KAZN: variants seen among roughly 807,000 people sequenced by gnomAD.
KAZN encodes the protein kazrin.
A neutral mutation model predicts 87.4 loss-of-function variants in KAZN; 40 were observed. That is an observed-to-expected ratio of 0.46 (90% CI 0.36 to 0.60). The LOEUF is 0.60. Ranked by LOEUF, KAZN falls within the 20% of genes least tolerant of loss-of-function variation. KAZN has a pLI of 0.00. For missense variants in KAZN, 898 were observed against 1,073.9 expected, an observed-to-expected ratio of 0.84 and a Z score of 2.29; for synonymous variants, 466 against 458.3, an observed-to-expected ratio of 1.02 and a Z score of -0.22.
intron 1 of KAZN, among the ~76,000 whole-genome samples, chr1:14,045,877 C>G (rs1158103592): frequency 6.6e-6 from 1 of 152,174 alleles, no homozygotes; most frequent in Admixed American, 6.5e-5. Flanking sequence ...ACCACTACAG[C>G]TACTAAGAGT....
chr1:14,542,230 T>C, intron 2 of KAZN, among the ~76,000 whole-genome samples: 1 of 126,866 alleles, frequency 7.9e-6, no homozygotes, highest in Non-Finnish European at 1.6e-5. Flanking sequence ...CACTCATAGG[T>C]GGGAATTGAA....
chr1:14,179,113 T>G (rs149122172), intron 1 of KAZN, among the ~76,000 whole-genome samples: 2 of 152,102 alleles, frequency 1.3e-5, no homozygotes, highest in Admixed American at 6.5e-5. Flanking sequence ...TCATGTAGAG[T>G]TTTATCCTGC....
chr1:14,544,346 C>CTTTTTTT, intron 2 of KAZN, among the ~76,000 whole-genome samples: 1 of 67,162 alleles, frequency 1.5e-5, no homozygotes, highest in African/African-American at 5.1e-5. Flanking sequence ...TTCTTTCTTT[C>CTTTTTTT]TTTCTTTTTT....
chr1:14,068,447 T>C (rs765403607), intron 1 of KAZN, among the ~76,000 whole-genome samples: 10 of 151,996 alleles, frequency 6.6e-5, no homozygotes, highest in Non-Finnish European at 1.5e-4. Context: ...ATATAGATTC[T>C]CAAACTATGC....
intron 1 of KAZN, among the ~76,000 whole-genome samples, chr1:14,050,165 T>C (rs1483886064): frequency 2.0e-5 from 3 of 151,258 alleles, no homozygotes; most frequent in Non-Finnish European, 3.0e-5. Context: ...TGTGCGCGTG[T>C]GTGGGTGTGT....
intron 11 of KAZN, among the ~76,000 whole-genome samples, chr1:15,102,887 T>TG (rs1462371233): frequency 6.6e-6 from 1 of 151,736 alleles, no homozygotes; most frequent in Non-Finnish European, 1.5e-5. Context: ...GGACAGGGAG[T>TG]GACAAGGACA....
intron 8 of KAZN, among the ~76,000 whole-genome samples, chr1:15,076,305 C>G (rs1639747216): frequency 6.6e-6 from 1 of 152,204 alleles, no homozygotes; most frequent in Admixed American, 6.5e-5. Flanking sequence ...AAGAAACAAA[C>G]TCATCTTAGT....
intron 1 of KAZN, among the ~76,000 whole-genome samples, chr1:13,990,527 G>A (rs1557767488): frequency 6.6e-6 from 1 of 152,134 alleles, no homozygotes; most frequent in Non-Finnish European, 1.5e-5. Context: ...ATGGTGAGTA[G>A]GGGAAAAGAT....
intron 1 of KAZN, among the ~76,000 whole-genome samples, chr1:14,108,502 T>C (rs1369396108): frequency 6.6e-6 from 1 of 152,168 alleles, no homozygotes; most frequent in Non-Finnish European, 1.5e-5. Context: ...GCTCAAAACG[T>C]GGCATCGTGC....
intron 1 of KAZN, among the ~76,000 whole-genome samples, chr1:14,891,437 A>G (rs1654713640): frequency 6.6e-6 from 1 of 152,096 alleles, no homozygotes; most frequent in Non-Finnish European, 1.5e-5. Context: ...GAGTTACTTC[A>G]CTTAGAATAA....
At chr1:13,960,878 G>C (rs991966370) in intron 1 of KAZN, among the ~76,000 whole-genome samples, 3 of 152,174 alleles carry the variant, frequency 2.0e-5, no homozygotes, top group African/African-American at 7.2e-5. Flanking sequence ...TCAGGACAGG[G>C]GGCTGTGTGG....
At chr1:14,383,882 T>C (rs890561427) in intron 2 of KAZN, among the ~76,000 whole-genome samples, 5 of 152,056 alleles carry the variant, frequency 3.3e-5, no homozygotes, top group African/African-American at 7.3e-5. Context: ...GGGGATGGCA[T>C]TGAATCTGTA....
intron 2 of KAZN, among the ~76,000 whole-genome samples, chr1:14,369,845 T>C (rs1459919705): frequency 2.0e-5 from 3 of 152,222 alleles, no homozygotes; most frequent in South Asian, 4.1e-4. Context: ...AAGCAAGCCA[T>C]TGTTACAGTA....
intron 2 of KAZN, among the ~76,000 whole-genome samples, chr1:14,360,357 T>A (rs1659400847): frequency 6.6e-6 from 1 of 152,094 alleles, no homozygotes; most frequent in Admixed American, 6.5e-5. Flanking sequence ...TTTTTCAAGG[T>A]TTTTAGCTTC....
At chr1:14,925,825 T>C (rs1315178986) in intron 1 of KAZN, among the ~76,000 whole-genome samples, 1 of 152,164 alleles carries the variant, frequency 6.6e-6, no homozygotes, top group South Asian at 2.1e-4. Flanking sequence ...CTCTCCTGTG[T>C]TGGAGTTTTC....
intron 1 of KAZN, among the ~76,000 whole-genome samples, chr1:14,118,253 T>C (rs1385643083): frequency 1.3e-5 from 2 of 152,224 alleles, no homozygotes; most frequent in African/African-American, 4.8e-5. Flanking sequence ...TAAAATGTTA[T>C]TTAATCCTTT....
chr1:13,958,972 C>G (rs1641652776), intron 1 of KAZN, among the ~76,000 whole-genome samples: 1 of 152,136 alleles, frequency 6.6e-6, no homozygotes, highest in African/African-American at 2.4e-5. Context: ...TCCCACCCAT[C>G]CTGGTTAGCA....
chr1:15,108,059 G>A (rs939568361), intron 13 of KAZN, among the ~76,000 whole-genome samples: 2 of 152,128 alleles, frequency 1.3e-5, no homozygotes, highest in African/African-American at 4.8e-5. Context: ...TTGCTCCAGC[G>A]TTCTCATTAG....
intron 1 of KAZN, among the ~76,000 whole-genome samples, chr1:14,014,152 A>G (rs1476435555): frequency 6.6e-6 from 1 of 152,074 alleles, no homozygotes; most frequent in Non-Finnish European, 1.5e-5. Context: ...GCTATACCAC[A>G]ATATATCAAT....
Sources: allele counts gnomAD v4.1 joint callset (sites outside exome capture counted in the v4.1 genomes callset), GRCh38; gene constraint gnomAD v4.1.1; transcripts MANE v1.5; gene names NCBI Gene and HGNC (gene_info 2026-07-23, HGNC 2026-07-21).